SHANK2: variants seen among roughly 807,000 people sequenced by gnomAD.
The protein encoded by SHANK2 is SH3 and multiple ankyrin repeat domains 2.
SHANK2 carries 43 observed loss-of-function variants against 133.7 expected under a neutral mutation model. The ratio of observed to expected loss-of-function variants is 0.32; its 90% confidence interval spans 0.25 to 0.41. The LOEUF (loss-of-function observed/expected upper bound fraction) is 0.41, where lower values mean the gene tolerates loss of function less well. SHANK2 is among the 10% of genes least tolerant of loss of function. The pLI, the probability that SHANK2 is intolerant of heterozygous loss-of-function variation, is 1.00. For synonymous variants in SHANK2, 1,017 were observed against 952.8 expected (o/e 1.07, Z -1.24); for missense variants, 1,994 against 2,235.8 (o/e 0.89, Z 2.18).
intron 17 of SHANK2, among the ~76,000 whole-genome samples, chr11:70,572,791 G>A (rs1469485767): frequency 1.3e-5 from 2 of 152,188 alleles, no homozygotes; most frequent in South Asian, 2.1e-4. Context: ...CCCGCCACAC[G>A]TGGCTGGCAG....
intron 1 of SHANK2, among the ~76,000 whole-genome samples, chr11:71,235,554 A>G (rs971089661): frequency 5.9e-5 from 9 of 151,302 alleles, no homozygotes; most frequent in Non-Finnish European, 1.0e-4. Context: ...AGACCATCCA[A>G]TGCACTCCAG....
intron 2 of SHANK2, among the ~76,000 whole-genome samples, chr11:71,218,233 T>A (rs1210297222): frequency 1.3e-5 from 2 of 151,692 alleles, no homozygotes; most frequent in Admixed American, 1.3e-4. Flanking sequence ...CAATTTATTA[T>A]TGAAGAAATT....
chr11:70,813,819 C>A (rs1364879855), intron 12 of SHANK2, among the ~76,000 whole-genome samples: 2 of 152,198 alleles, frequency 1.3e-5, no homozygotes, highest in Non-Finnish European at 1.5e-5. Flanking sequence ...TGAAAGTCAG[C>A]CCGCACCCAA....
intron 1 of SHANK2, among the ~76,000 whole-genome samples, chr11:71,243,965 C>G (rs1555124703): frequency 6.6e-6 from 1 of 152,174 alleles, no homozygotes. Context: ...GCCAATTTTG[C>G]ATAAACTTTT....
chr11:71,248,008 G>T (rs1271940388), intron 1 of SHANK2, among the ~76,000 whole-genome samples: 2 of 152,238 alleles, frequency 1.3e-5, no homozygotes, highest in African/African-American at 4.8e-5. Flanking sequence ...GGAGCGAGCT[G>T]CGTTTCAGCC....
intron 10 of SHANK2, among the ~76,000 whole-genome samples, chr11:70,930,587 G>T (rs1364087751): frequency 1.3e-5 from 2 of 152,038 alleles, no homozygotes; most frequent in Admixed American, 6.6e-5. Context: ...GCCACATCTG[G>T]GTAGAGGTCA....
At chr11:71,244,118 C>G (rs1344874443) in intron 1 of SHANK2, among the ~76,000 whole-genome samples, 2 of 152,222 alleles carry the variant, frequency 1.3e-5, no homozygotes, top group African/African-American at 4.8e-5. Flanking sequence ...CTCCTGTCTA[C>G]ACTTGCAAGC....
chr11:70,781,386 G>A (rs1364121936), intron 14 of SHANK2, among the ~76,000 whole-genome samples: 1 of 150,914 alleles, frequency 6.6e-6, no homozygotes, highest in Non-Finnish European at 1.5e-5. Flanking sequence ...ACTGCCTGGT[G>A]CAAACCTCTG....
chr11:71,152,348 A>T (rs1952814637), intron 2 of SHANK2, among the ~76,000 whole-genome samples: 1 of 152,170 alleles, frequency 6.6e-6, no homozygotes, highest in Non-Finnish European at 1.5e-5. Flanking sequence ...TCCTGACCTC[A>T]AGTGATCCAC....
intron 11 of SHANK2, among the ~76,000 whole-genome samples, chr11:70,851,103 C>T (rs1248205664): frequency 6.6e-6 from 1 of 152,180 alleles, no homozygotes; most frequent in Non-Finnish European, 1.5e-5. Context: ...CCTGAATCCT[C>T]TCCAGGATCC....
intron 10 of SHANK2, among the ~76,000 whole-genome samples, chr11:70,911,417 G>T (rs1428323280): frequency 6.6e-6 from 1 of 152,104 alleles, no homozygotes; most frequent in African/African-American, 2.4e-5. Context: ...TCTCAGAGCA[G>T]GGGGTTAGCA....
At chr11:70,567,313 G>A (rs565328905) in intron 17 of SHANK2, among the ~76,000 whole-genome samples, 11 of 152,222 alleles carry the variant, frequency 7.2e-5, no homozygotes, top group South Asian at 2.1e-4. Flanking sequence ...CCTTAATCCC[G>A]GCTGACTGGT....
chr11:70,502,746 C>CCCCCCCCCCCA, intron 18 of SHANK2, 50 bp downstream of exon 18: 1 of 967,276 alleles, frequency 1.0e-6, no homozygotes. Context: ...CCCCCACCCC[C>CCCCCCCCCCCA]CCCCCCCAGT....
intron 17 of SHANK2, among the ~76,000 whole-genome samples, chr11:70,537,403 T>C (rs2059558879): frequency 6.6e-6 from 1 of 152,222 alleles, no homozygotes; most frequent in Non-Finnish European, 1.5e-5. Context: ...TAAAATCCAA[T>C]GACACGTGTT....
intron 17 of SHANK2, among the ~76,000 whole-genome samples, chr11:70,620,857 A>T (rs1188709328): frequency 4.6e-5 from 7 of 152,148 alleles, no homozygotes; most frequent in African/African-American, 1.7e-4. Context: ...GCGACCCCTC[A>T]CCAGGAACCA....
At position 70,810,561 on chromosome 11, in the gene SHANK2, T is replaced by G. The variant is rs1948257459; in HGVS notation, c.1494-3390A>C. Among the ~76,000 whole-genome samples the G allele has an allele frequency of 3.3e-5, 5 of 152,278 alleles. No individual in the cohort carries two copies. The South Asian group carries it at 1.0e-3, about 32-fold the overall frequency. ...TGCACCTGCCCACATCTGCCCCGAG[T>G]GATGAAGCCAGCAAGGCTGGCGGCC... is the stretch of plus-strand genomic sequence containing the variant. On this transcript the variant is annotated intron_variant, in intron 12 of 25. Coordinates refer to ENST00000601538, the MANE Select transcript of SHANK2 (RefSeq NM_012309.5).
At chr11:70,811,364 C>A (rs1185804586) in intron 12 of SHANK2, among the ~76,000 whole-genome samples, 1 of 152,140 alleles carries the variant, frequency 6.6e-6, no homozygotes, top group East Asian at 1.9e-4. Flanking sequence ...CTGCAAGGAA[C>A]CCCACGGCCC....
Position 71,068,506 on chromosome 11 carries a change from C to T in SHANK2, c.1029+6653G>A, listed in dbSNP as rs1249089521. On this transcript the variant is annotated intron_variant, in intron 9 of 25. Coordinates refer to ENST00000601538, the MANE Select transcript of SHANK2 (RefSeq NM_012309.5). Reference sequence around the variant, plus strand: ...CAACCATGACTGTGTATTTGGCGACCACAGGCCATGTTCAGGGAGAAGGGC... The same window carrying T: ...CAACCATGACTGTGTATTTGGCGACTACAGGCCATGTTCAGGGAGAAGGGC... Among the ~76,000 whole-genome samples, 3 of 152,324 alleles carry T rather than the reference C, an allele frequency of 2.0e-5. No homozygotes were observed. In the East Asian group the frequency reaches 5.8e-4, roughly 29 times the overall value.
intron 10 of SHANK2, chr11:70,910,959 A>G (rs1462280030): frequency 4.4e-6 from 2 of 456,534 alleles, no homozygotes; most frequent in Non-Finnish European, 8.8e-6. Context: ...ACATAATTCG[A>G]TTTTTGCTAA....
Sources: gnomAD v4.1 joint callset for allele counts (sites outside exome capture counted in the v4.1 genomes callset) on GRCh38, gnomAD v4.1.1 for gene constraint, MANE v1.5 for transcripts, NCBI Gene and HGNC (gene_info 2026-07-23, HGNC 2026-07-21) for gene names.